Variants in MYOCOS observed in about 807,000 individuals in gnomAD.
The protein encoded by MYOCOS is myocilin opposite strand protein.
At chr1:171,607,438 C>T (rs1189313005) in intron 1 of MYOCOS, among the ~76,000 whole-genome samples, 1 of 152,166 alleles carries the variant, frequency 6.6e-6, no homozygotes, top group Non-Finnish European at 1.5e-5. Flanking sequence ...CTAGAGTCCT[C>T]AGAGGTGTCT....
chr1:171,603,751 G>A (rs1652188799), intron 1 of MYOCOS, among the ~76,000 whole-genome samples: 1 of 152,234 alleles, frequency 6.6e-6, no homozygotes, highest in South Asian at 2.1e-4. Flanking sequence ...GTAAGGCCCT[G>A]GCCAAGGCCA....
At chr1:171,603,812 A>G (rs1652189812) in intron 1 of MYOCOS, among the ~76,000 whole-genome samples, 1 of 152,224 alleles carries the variant, frequency 6.6e-6, no homozygotes, top group African/African-American at 2.4e-5. Flanking sequence ...GCTGGCCCCC[A>G]TGTCCAATGG....
chr1:171,623,690 G>A (rs1005157077), intron 1 of MYOCOS, among the ~76,000 whole-genome samples, 151 bp from the exon 2 acceptor site: 3 of 152,084 alleles, frequency 2.0e-5, no homozygotes, highest in Non-Finnish European at 2.9e-5. Flanking sequence ...TCTTGACCTT[G>A]GGGGGAAGGG....
chr1:171,605,373 C>CCCCACA (rs377621871), intron 1 of MYOCOS, among the ~76,000 whole-genome samples: 7 of 139,226 alleles, frequency 5.0e-5, no homozygotes, highest in African/African-American at 1.8e-4. Flanking sequence ...ATTAATAGTA[C>CCCCACA]CACACACACA....
upstream of MYOCOS, among the ~76,000 whole-genome samples, chr1:171,619,291 T>C (rs934546436): frequency 3.3e-5 from 5 of 152,236 alleles, no homozygotes; most frequent in Admixed American, 1.3e-4. Context: ...ACTGCTTTAT[T>C]ACTAGGACTT....
At chr1:171,606,866 G>A (rs1429011179) in intron 1 of MYOCOS, among the ~76,000 whole-genome samples, 1 of 152,046 alleles carries the variant, frequency 6.6e-6, no homozygotes, top group Non-Finnish European at 1.5e-5. Flanking sequence ...GGCGAAGGCG[G>A]GTGGATCACG....
intron 1 of MYOCOS, among the ~76,000 whole-genome samples, chr1:171,611,841 G>A (rs142713983): frequency 3.2e-4 from 49 of 151,798 alleles, no homozygotes; most frequent in Admixed American, 7.9e-4. Context: ...GCAGGGGATG[G>A]AAAATCATGC....
intron 1 of MYOCOS, among the ~76,000 whole-genome samples, chr1:171,609,740 A>T (rs1350261374): frequency 6.6e-6 from 1 of 152,122 alleles, no homozygotes; most frequent in Non-Finnish European, 1.5e-5. Flanking sequence ...GCCTCAAGTG[A>T]TCCTCCCTCC....
intron 1 of MYOCOS, among the ~76,000 whole-genome samples, chr1:171,610,285 C>T (rs903499171): frequency 1.3e-5 from 2 of 152,136 alleles, no homozygotes; most frequent in African/African-American, 4.8e-5. Flanking sequence ...GTATCATCTC[C>T]AAGTTGGTAC....
intron 1 of MYOCOS, among the ~76,000 whole-genome samples, chr1:171,610,819 A>T (rs78585050): frequency 0.027 from 4,084 of 152,310 alleles, 170 homozygotes; most frequent in African/African-American, 0.092. Flanking sequence ...CTAATGAGAT[A>T]TTATGCAGGA....
chr1:171,625,552 A>G (rs528838460), intron 2 of MYOCOS, among the ~76,000 whole-genome samples: 1 of 152,310 alleles, frequency 6.6e-6, no homozygotes, highest in South Asian at 2.1e-4. Flanking sequence ...TTAAATCTGA[A>G]CCTGTAAAAG....
At chr1:171,602,130 A>C (rs1413701885) in intron 1 of MYOCOS, among the ~76,000 whole-genome samples, 1 of 152,170 alleles carries the variant, frequency 6.6e-6, no homozygotes, top group Admixed American at 6.5e-5. Context: ...TTATATGGTA[A>C]ATTCTTGTCC....
intron 1 of MYOCOS, among the ~76,000 whole-genome samples, chr1:171,607,455 A>G (rs235895): frequency 0.15 from 23,070 of 152,196 alleles, 1,830 homozygotes; most frequent in Middle Eastern, 0.29. Flanking sequence ...GTCTCAAGGT[A>G]TGAGAAAACC....
upstream of MYOCOS, among the ~76,000 whole-genome samples, chr1:171,620,773 C>CTTTTTTTT (rs34455235): frequency 7.9e-6 from 1 of 127,212 alleles, no homozygotes; most frequent in East Asian, 2.2e-4. Flanking sequence ...CTTTTTCTTT[C>CTTTTTTTT]TTTTTTTTTT....
upstream of MYOCOS, among the ~76,000 whole-genome samples, chr1:171,621,142 C>T (rs1652560177): frequency 6.6e-6 from 1 of 152,024 alleles, no homozygotes; most frequent in Admixed American, 6.6e-5. Flanking sequence ...AGCTGCACCC[C>T]GACCAACTTG....
At chr1:171,623,687 C>A (rs138241838) in intron 1 of MYOCOS, among the ~76,000 whole-genome samples, 154 bp from the exon 2 acceptor site, 1 of 152,074 alleles carries the variant, frequency 6.6e-6, no homozygotes, top group Admixed American at 6.6e-5. Context: ...GCCTCTTGAC[C>A]TTGGGGGGAA....
chr1:171,606,001 G>A (rs1359065232), intron 1 of MYOCOS, among the ~76,000 whole-genome samples: 2 of 152,180 alleles, frequency 1.3e-5, no homozygotes, highest in African/African-American at 4.8e-5. Flanking sequence ...AAGGCAAGTA[G>A]TTAAAGACAT....
intron 1 of MYOCOS, among the ~76,000 whole-genome samples, chr1:171,607,948 G>GAAGGCAA (rs1652281484): frequency 6.6e-6 from 1 of 152,156 alleles, no homozygotes; most frequent in East Asian, 1.9e-4. Context: ...AATCATGGCA[G>GAAGGCAA]AAGGCAAAAG....
At chr1:171,621,255 G>A (rs565155776), upstream of MYOCOS, among the ~76,000 whole-genome samples, 3 of 151,832 alleles carry the variant, frequency 2.0e-5, no homozygotes, top group Non-Finnish European at 2.9e-5. Flanking sequence ...GACTGTTTTC[G>A]TTGACAAAGG....
Sources: gnomAD v4.1 joint callset for allele counts (sites outside exome capture counted in the v4.1 genomes callset) on GRCh38, gnomAD v4.1.1 for gene constraint, MANE v1.5 for transcripts, NCBI Gene and HGNC (gene_info 2026-07-23, HGNC 2026-07-21) for gene names.